The following KIAA0586 variants were observed in gnomAD, a reference collection of about 807,000 sequenced individuals.
KIAA0586 encodes KIAA0586.
Under a neutral mutation model 169.8 loss-of-function variants are expected in KIAA0586, and 144 were observed. The ratio of observed to expected loss-of-function variants is 0.85; its 90% confidence interval spans 0.74 to 0.97. KIAA0586 has a LOEUF of 0.97. Ranked by LOEUF, KIAA0586 falls within the 50% of genes least tolerant of loss-of-function variation. The pLI, the probability that KIAA0586 is intolerant of heterozygous loss-of-function variation, is 0.00. For missense variants in KIAA0586, 1,854 were observed against 1,823.0 expected (o/e 1.02, Z -0.31); for synonymous variants, 625 against 612.4 (o/e 1.02, Z -0.30).
At chr14:58,551,578 A>G (rs774514206), downstream of KIAA0586, among the ~76,000 whole-genome samples, 3 of 152,036 alleles carry the variant, frequency 2.0e-5, no homozygotes, top group African/African-American at 4.8e-5. Context: ...TCTGGCCAAC[A>G]TGGTGAAACC....
At chr14:58,508,051 T>C (rs1303774174) in intron 27 of KIAA0586, among the ~76,000 whole-genome samples, 1 of 152,042 alleles carries the variant, frequency 6.6e-6, no homozygotes, top group East Asian at 1.9e-4. Context: ...CCCAAAGTGC[T>C]GGATTACAGG....
the KIAA0586 span, among the ~76,000 whole-genome samples, chr14:58,559,857 A>G: frequency 1.3e-5 from 2 of 152,154 alleles, no homozygotes; most frequent in African/African-American, 4.8e-5. Flanking sequence ...TAAAAACTAA[A>G]ATGGACAGGC....
chr14:58,555,554 C>T (rs923248170), downstream of KIAA0586, among the ~76,000 whole-genome samples: 11 of 152,136 alleles, frequency 7.2e-5, no homozygotes, highest in Non-Finnish European at 2.9e-5. Context: ...TTTACCTTTT[C>T]GGTTATAACT....
intron 13 of KIAA0586, among the ~76,000 whole-genome samples, chr14:58,460,328 A>G (rs1471137886): frequency 6.6e-6 from 1 of 152,168 alleles, no homozygotes. Flanking sequence ...GTATAAAGGT[A>G]TATCTAGAGA....
chr14:58,544,446 A>G (rs2046856650), intron 30 of KIAA0586, among the ~76,000 whole-genome samples: 1 of 152,166 alleles, frequency 6.6e-6, no homozygotes, highest in Admixed American at 6.5e-5. Context: ...GAATCATTAT[A>G]TTACTTTCCA....
At chr14:58,524,926 C>T (rs1056590563) in intron 29 of KIAA0586, among the ~76,000 whole-genome samples, 6 of 152,110 alleles carry the variant, frequency 3.9e-5, no homozygotes, top group Admixed American at 6.5e-5. Flanking sequence ...AGGATGGTCT[C>T]AATCTCTTGA....
Position 58,548,103 on chromosome 14 carries a change from A to T in KIAA0586, c.*171A>T. ...ATTTGGGTATTTAAAGTTTTTAAAT[A>T]AAATAAGTATAAGTCATTATAAGTC... On this transcript the variant is annotated 3_prime_UTR_variant, in exon 31 of 31. Coordinates refer to ENST00000652326, the MANE Select transcript of KIAA0586 (RefSeq NM_001329943.3). 1.3e-6 allele frequency: 1 copy of T among 745,300 alleles called. No homozygotes were observed. The highest frequency in any genetic ancestry group is 2.1e-6 in the Non-Finnish European group (1 of 478,734). 46.2% of individuals were successfully genotyped at this position (745,300 alleles called of 1,614,324 possible).
chr14:58,490,508 C>T (rs1360157444), intron 25 of KIAA0586, among the ~76,000 whole-genome samples: 2 of 152,034 alleles, frequency 1.3e-5, no homozygotes, highest in Non-Finnish European at 2.9e-5. Context: ...TAGCTGATTG[C>T]AAATTGTTAC....
chr14:58,536,400 T>C (rs1331694397), intron 29 of KIAA0586, among the ~76,000 whole-genome samples: 1 of 152,208 alleles, frequency 6.6e-6, no homozygotes, highest in Non-Finnish European at 1.5e-5. Context: ...TATGTGGTAA[T>C]GAATTTCCTG....
At chr14:58,448,949 A>G (rs1186252401) in intron 7 of KIAA0586, among the ~76,000 whole-genome samples, 1 of 152,172 alleles carries the variant, frequency 6.6e-6, no homozygotes, top group Non-Finnish European at 1.5e-5. Context: ...CCATTTCTAA[A>G]TATTTTCAGA....
In KIAA0586 at chr14:58,540,110, A is replaced by G; in HGVS notation, c.4469A>G (p.Asn1490Ser). The G allele has an allele frequency of 1.3e-6, 2 of 1,561,414 alleles. No homozygotes were observed. Among genetic ancestry groups the G allele is most frequent in the East Asian group, 2.3e-5 (1 of 42,958 alleles). Residue 1490 changes from asparagine to serine, a missense_variant, in exon 30 of 31, where the codon AAT (asparagine) becomes AGT (serine). Transcript: ENST00000652326. ...ATGGATCGGACACAAATTGAGCTTA[A>G]TCCGTACCTCACATGTGTATTTTCA... is the stretch of plus-strand genomic sequence containing the variant. ...GDMDRTQIEL[N>S]PYLTCVFSGG...
rs142522364 is a variant in KIAA0586, at chr14:58,475,457, T to C, written c.2825+660T>C. ...AAACCAATCCCTGATGCCAAAAAGGTTGGGACTGCTATACTAGGCCATATA... is the reference window on the plus strand; with the variant it reads ...AAACCAATCCCTGATGCCAAAAAGGCTGGGACTGCTATACTAGGCCATATA... On this transcript the variant is annotated intron_variant, in intron 19 of 30. Coordinates refer to ENST00000652326, the MANE Select transcript of KIAA0586 (RefSeq NM_001329943.3). 9.4e-4 allele frequency among the ~76,000 whole-genome samples: 134 copies of C among 142,188 alleles called. No homozygotes were observed. In the South Asian group the frequency reaches 0.015, roughly 16 times the overall value. 93.3% of individuals were successfully genotyped at this position (142,188 alleles called of 152,430 possible). A position where few individuals can be genotyped will look rare whatever the true frequency, so the allele number is the denominator to read the frequency against.
At chr14:58,492,772 A>T (rs1241653575) in intron 26 of KIAA0586, among the ~76,000 whole-genome samples, 1 of 152,242 alleles carries the variant, frequency 6.6e-6, no homozygotes, top group Non-Finnish European at 1.5e-5. Flanking sequence ...GTCAGTCTTT[A>T]AAGATGGAGT....
intron 26 of KIAA0586, 65 bp from the exon 27 acceptor site, chr14:58,498,718 A>T: frequency 1.4e-6 from 2 of 1,430,772 alleles, no homozygotes; most frequent in Non-Finnish European, 1.9e-6. Context: ...GATATTTGGC[A>T]AAGATTTCCT....
At chr14:58,560,043 C>T in the KIAA0586 span, among the ~76,000 whole-genome samples, 16 of 151,322 alleles carry the variant, frequency 1.1e-4, no homozygotes, top group Admixed American at 7.2e-4. Flanking sequence ...ACCAGCTACT[C>T]GGGAGGCTGA....
At chr14:58,441,239 A>G in intron 4 of KIAA0586, 2 of 379,282 alleles carry the variant, frequency 5.3e-6, no homozygotes, top group African/African-American at 2.4e-5. Flanking sequence ...TTTGTCTCAC[A>G]GGCTGGAGTG....
downstream of KIAA0586, among the ~76,000 whole-genome samples, chr14:58,552,040 T>G (rs1289002837): frequency 6.6e-6 from 1 of 152,116 alleles, no homozygotes; most frequent in African/African-American, 2.4e-5. Context: ...ACCTCAGGAT[T>G]TGTCATTCCT....
At chr14:58,472,317 A>G (rs760304689) in intron 18 of KIAA0586, 38 bp downstream of exon 18, 3 of 1,228,770 alleles carry the variant, frequency 2.4e-6, no homozygotes, top group Non-Finnish European at 3.4e-6. Flanking sequence ...TTATTTTTCT[A>G]CCGGTATTTT....
intron 16 of KIAA0586, among the ~76,000 whole-genome samples, chr14:58,468,987 T>C (rs2040990749): frequency 1.3e-5 from 2 of 152,128 alleles, no homozygotes; most frequent in African/African-American, 4.8e-5. Context: ...AAGATAATCC[T>C]GGAGCTGTCG....
Sources: gnomAD v4.1 joint callset for allele counts (sites outside exome capture counted in the v4.1 genomes callset) on GRCh38, gnomAD v4.1.1 for gene constraint, MANE v1.5 for transcripts, NCBI Gene and HGNC (gene_info 2026-07-23, HGNC 2026-07-21) for gene names.